GRIP1: variants seen among roughly 807,000 people sequenced by gnomAD.
The protein encoded by GRIP1 is glutamate receptor interacting protein 1.
Under a neutral mutation model 129.9 loss-of-function variants are expected in GRIP1, and 45 were observed. The ratio of observed to expected loss-of-function variants is 0.35; its 90% CI spans 0.27 to 0.44. GRIP1 has a LOEUF of 0.44. Among genes scored for constraint, GRIP1 ranks in the 20% least tolerant of loss-of-function variants. GRIP1 has a pLI of 1.00. For synonymous variants in GRIP1, 530 were observed against 520.8 expected, an observed-to-expected ratio of 1.02 and a Z score of -0.24; for missense variants, 1,196 against 1,396.8, an observed-to-expected ratio of 0.86 and a Z score of 2.29.
At chr12:66,781,953 G>T (rs117582003) in intron 1 of GRIP1, among the ~76,000 whole-genome samples, 1 of 152,082 alleles carries the variant, frequency 6.6e-6, no homozygotes, top group African/African-American at 2.4e-5. Context: ...ACTACTAACC[G>T]TATGATGATT....
intron 2 of GRIP1, among the ~76,000 whole-genome samples, chr12:66,563,304 T>C (rs2062606689): frequency 6.6e-6 from 1 of 152,124 alleles, no homozygotes; most frequent in Admixed American, 6.6e-5. Context: ...TATTAGAGTG[T>C]AGAGTTTGAG....
At chr12:66,891,205 T>C (rs1430415286) in intron 1 of GRIP1, among the ~76,000 whole-genome samples, 2 of 152,166 alleles carry the variant, frequency 1.3e-5, no homozygotes, top group Admixed American at 1.3e-4. Flanking sequence ...CTAGCAAAAG[T>C]CCCAACCATT....
At chr12:66,469,979 G>T (rs1243283107) in intron 7 of GRIP1, among the ~76,000 whole-genome samples, 1 of 152,024 alleles carries the variant, frequency 6.6e-6, no homozygotes, top group Non-Finnish European at 1.5e-5. Flanking sequence ...GCCATCCCTG[G>T]CTCCATCTTC....
At chr12:66,709,280 A>G (rs567718138) in intron 1 of GRIP1, among the ~76,000 whole-genome samples, 2 of 151,980 alleles carry the variant, frequency 1.3e-5, no homozygotes, top group Non-Finnish European at 2.9e-5. Context: ...CAGTAACTTC[A>G]AAGAAAACTT....
At chr12:66,402,719 G>A (rs1404523226) in intron 16 of GRIP1, among the ~76,000 whole-genome samples, 8 of 152,152 alleles carry the variant, frequency 5.3e-5, no homozygotes, top group Non-Finnish European at 1.0e-4. Flanking sequence ...GAGAATATAC[G>A]CTGAATATTA....
At chr12:66,571,545 C>T (rs2062960566) in intron 2 of GRIP1, among the ~76,000 whole-genome samples, 2 of 152,064 alleles carry the variant, frequency 1.3e-5, no homozygotes, top group Admixed American at 6.6e-5. Context: ...ATAATACCCA[C>T]TCTTGTTGTC....
chr12:66,851,184 A>G (rs1027866574), intron 1 of GRIP1, among the ~76,000 whole-genome samples: 1 of 151,812 alleles, frequency 6.6e-6, no homozygotes, highest in African/African-American at 2.4e-5. Context: ...CATAGAGGTA[A>G]TATGTTAGTA....
chr12:66,705,336 T>C (rs141447698), intron 1 of GRIP1, among the ~76,000 whole-genome samples: 3,575 of 152,108 alleles, frequency 0.024, 151 homozygotes, highest in African/African-American at 0.082. Context: ...TACCTAGGAA[T>C]ACATCTAACA....
At chr12:66,808,652 AT>A (rs2039045236), upstream of GRIP1, among the ~76,000 whole-genome samples, 1 of 152,158 alleles carries the variant, frequency 6.6e-6, no homozygotes, top group Non-Finnish European at 1.5e-5. Context: ...GATTTCATAA[AT>A]AAATCAAACG....
intron 2 of GRIP1, among the ~76,000 whole-genome samples, chr12:66,589,192 C>CATT: frequency 1.1e-5 from 1 of 88,812 alleles, no homozygotes. Context: ...CCCTCCCCCA[C>CATT]CTTCTCTCTC....
At chr12:66,939,840 T>C (rs1249679332) in intron 1 of GRIP1, among the ~76,000 whole-genome samples, 1 of 152,170 alleles carries the variant, frequency 6.6e-6, no homozygotes, top group African/African-American at 2.4e-5. Context: ...CAGTATACAT[T>C]CTCCAATGTT....
intron 7 of GRIP1, among the ~76,000 whole-genome samples, chr12:66,489,058 A>G (rs1217082807): frequency 6.6e-6 from 1 of 152,208 alleles, no homozygotes; most frequent in Admixed American, 6.5e-5. Flanking sequence ...AAGAGCTGGT[A>G]CCATTTTTAC....
chr12:66,622,367 C>A (rs1047783435), intron 1 of GRIP1, among the ~76,000 whole-genome samples: 8 of 151,694 alleles, frequency 5.3e-5, no homozygotes, highest in African/African-American at 1.9e-4. Context: ...TTTGATAGCA[C>A]AACAGGGTGG....
chr12:66,552,316 C>A lies in GRIP1; in HGVS notation c.137-10366G>T, dbSNP rs540229897. 2.0e-5 allele frequency among the ~76,000 whole-genome samples: 3 copies of A among 152,158 alleles called. 1 individual carries two copies. The highest frequency in any genetic ancestry group is 4.2e-4 in the South Asian group (2 of 4,802). ...TCTTCCATGAATATCTAAGTACCCA[C>A]GAATCTAACATGAGCTAGGAACCTG... On this transcript the variant is annotated intron_variant, in intron 2 of 24. Transcript: ENST00000359742.
chr12:66,629,285 A>T (rs369878688), intron 1 of GRIP1, among the ~76,000 whole-genome samples: 3 of 152,224 alleles, frequency 2.0e-5, no homozygotes, highest in East Asian at 3.8e-4. Flanking sequence ...GCAGTCCCTC[A>T]CACTTTGCAG....
intron 16 of GRIP1, among the ~76,000 whole-genome samples, chr12:66,395,794 G>A (rs986129090): frequency 6.6e-6 from 1 of 152,186 alleles, no homozygotes; most frequent in Non-Finnish European, 1.5e-5. Flanking sequence ...CAGCTGAGAA[G>A]CTCCCATATC....
chr12:66,547,315 G>A (rs10878449), intron 2 of GRIP1, among the ~76,000 whole-genome samples: 13,970 of 152,094 alleles, frequency 0.092, 734 homozygotes, highest in East Asian at 0.24. Context: ...TCACTCTGAC[G>A]CTACTGATGG....
In GRIP1 at chr12:66,377,203, C is replaced by T. The variant is rs1174597791; in HGVS notation, c.2704G>A (p.Gly902Arg). The change falls in exon 21 of 25, where the codon GGA becomes AGA. Residue 902 changes from glycine to arginine, a missense_variant. Physicochemically the swap from Gly to Arg is moderately radical, Grantham distance 125. Transcript: ENST00000359742. ...SQALEDLETC[G>R]QSGILRELEE... The stretch of plus-strand genomic sequence containing the variant: ...AGTTCTCTCAGAATTCCTGACTGTC[C>T]GCAGGTTTCCAAATCCTCCAGCGCT... 6 of 1,612,486 alleles carry T rather than the reference C, an allele frequency of 3.7e-6. No homozygotes were observed. In the African/African-American group the frequency reaches 4.0e-5, roughly 11 times the overall value.
intron 13 of GRIP1, among the ~76,000 whole-genome samples, chr12:66,437,735 T>C (rs576205962): frequency 1.7e-4 from 26 of 152,242 alleles, no homozygotes; most frequent in African/African-American, 6.0e-4. Context: ...ACAACTGGAA[T>C]GTAGTGAGTG....
Sources: gnomAD v4.1 joint callset for allele counts (sites outside exome capture counted in the v4.1 genomes callset) on GRCh38, gnomAD v4.1.1 for gene constraint, MANE v1.5 for transcripts, NCBI Gene and HGNC (gene_info 2026-07-23, HGNC 2026-07-21) for gene names.